DNAH1: variants seen among roughly 807,000 people sequenced by gnomAD.
The protein encoded by DNAH1 is dynein axonemal heavy chain 1.
Under a neutral mutation model 484.3 loss-of-function variants are expected in DNAH1, and 327 were observed. That is an observed-to-expected ratio of 0.68 (90% CI 0.62 to 0.74). The LOEUF (loss-of-function observed/expected upper bound fraction) is 0.74. DNAH1 is among the 30% of genes least tolerant of loss of function. The probability of loss-of-function intolerance (pLI) is 0.00; values close to 1 mark genes in which losing one functional copy is unlikely to be tolerated. For synonymous variants in DNAH1, 2,192 were observed against 2,191.9 expected (o/e 1.00, Z 0.00); for missense variants, 5,052 against 5,546.8 (o/e 0.91, Z 2.83).
In DNAH1 at chr3:52,361,866, C is replaced by A. The variant is rs536593603; in HGVS notation, c.4980+100C>A. The A allele has an allele frequency of 5.4e-6, 7 of 1,286,482 alleles. No homozygotes were observed. In the South Asian group the frequency reaches 6.9e-5, roughly 13 times the overall value. The allele number at this position is 1,286,482 out of a possible 1,614,324, so 79.7% of individuals were successfully genotyped here. On this transcript the variant is annotated intron_variant, in intron 30 of 77. Transcript: ENST00000420323. This position sits in a 1 kb window ranked among gnomAD's most constrained non-coding sequence, Gnocchi z 5.6. ...TGAGAAGCCAGGCGCTAAGGTCCAC[C>A]CTGGGTCCAGCCTCTCTTGTCCCGG...
At position 52,381,535 on chromosome 3, in the gene DNAH1, G is replaced by A; in HGVS notation, c.7609-105G>A. The A allele has an allele frequency of 8.9e-7, 1 of 1,117,728 alleles. No individual in the cohort carries two copies. Among genetic ancestry groups the A allele is most frequent in the Non-Finnish European group, 1.3e-6 (1 of 791,952 alleles). The allele number at this position is 1,117,728 out of a possible 1,614,324, so 69.2% of individuals were successfully genotyped here. On this transcript the variant is annotated intron_variant, in intron 48 of 77. Coordinates refer to ENST00000420323, the MANE Select transcript of DNAH1 (RefSeq NM_015512.5). The surrounding 1 kb of genome is among the most constrained non-coding windows in gnomAD (Gnocchi z 4.1). ...CGGGTCACAGGTGGTCAAGGCACCT[G>A]TGCTTCTCAGTCAGGACAGAGAAGA...
At chr3:52,337,344 C>T (rs1701773360) in intron 8 of DNAH1, among the ~76,000 whole-genome samples, 1 of 152,162 alleles carries the variant, frequency 6.6e-6, no homozygotes, top group Non-Finnish European at 1.5e-5. Flanking sequence ...TAATGCTTTT[C>T]GATCTGCATT....
At chr3:52,333,597 AAGC>A (rs1483998089) in intron 8 of DNAH1, among the ~76,000 whole-genome samples, 15 of 151,958 alleles carry the variant, frequency 9.9e-5, no homozygotes, top group Non-Finnish European at 4.4e-5. Context: ...CATTTTGGCC[AAGC>A]TGGTCTCGAG....
Position 52,378,792 on chromosome 3 carries a change from G to A in DNAH1, c.7377+12G>A, listed in dbSNP as rs776658082. ...CGGCCAAGGTCGAGGTGAGGACCAG[G>A]CAGGCACCCTCCCCAGTGCCCACAC... On this transcript the variant is annotated intron_variant, in intron 47 of 77. Coordinates refer to ENST00000420323, the MANE Select transcript of DNAH1 (RefSeq NM_015512.5). The A allele has an allele frequency of 3.2e-5, 52 of 1,613,136 alleles. No individual in the cohort carries two copies. In the Admixed American group the frequency reaches 8.2e-4, roughly 25 times the overall value.
At position 52,361,144 on chromosome 3, in the gene DNAH1, A is replaced by G; in HGVS notation, c.4686-20A>G. On this transcript the variant is annotated intron_variant, in intron 28 of 77. Coordinates refer to ENST00000420323, the MANE Select transcript of DNAH1 (RefSeq NM_015512.5). This position sits in a 1 kb window ranked among gnomAD's most constrained non-coding sequence, Gnocchi z 5.6. ...TCCAGGCCATGTGCGGCCCGAGCCC[A>G]CCTCCTCTGTCTCCTGCAGGTGCTA... 6.5e-7 allele frequency: 1 copy of G among 1,538,410 alleles called. No homozygotes were observed.
intron 59 of DNAH1, 78 bp downstream of exon 59, chr3:52,389,015 T>G: frequency 6.9e-7 from 1 of 1,458,902 alleles, no homozygotes; most frequent in Non-Finnish European, 9.1e-7. Flanking sequence ...CTCGCCTCCA[T>G]GATAGGCAGC....
At chr3:52,337,975 T>G (rs11705963) in intron 8 of DNAH1, among the ~76,000 whole-genome samples, 41,828 of 151,892 alleles carry the variant, frequency 0.28, 8,425 homozygotes, top group African/African-American at 0.57. Flanking sequence ...TTGTATTTTT[T>G]TAGAGACAGG....
chr3:52,342,879 A>G (rs1702000838), intron 8 of DNAH1, among the ~76,000 whole-genome samples: 1 of 152,212 alleles, frequency 6.6e-6, no homozygotes, highest in African/African-American at 2.4e-5. Context: ...AGAGAACTGC[A>G]GATAGGTGTG....
chr3:52,331,015 G>C (rs183575707), intron 6 of DNAH1, 133 bp from the exon 7 acceptor site: 10 of 1,144,822 alleles, frequency 8.7e-6, no homozygotes, highest in East Asian at 2.6e-5. Flanking sequence ...TGGAGCAGAG[G>C]GGGGCATCCC....
In DNAH1 at chr3:52,396,928, C is replaced by T. The variant is rs774152723; in HGVS notation, c.11671C>T (p.Arg3891Trp). Residue 3891 changes from arginine to tryptophan, a missense_variant, in exon 73 of 78, where the codon CGG (arginine) becomes TGG (tryptophan). Around this residue, in one of 4 missense-constraint regions of DNAH1, gnomAD observed 853 missense variants for 899.0 expected, o/e 0.95. Transcript: ENST00000420323. Reference sequence around the variant, plus strand: ...GGGCCGTGTCACTGATGACTGGGACCGGCGCTGCATCATGAACATCTTGGA... The same window carrying T: ...GGGCCGTGTCACTGATGACTGGGACTGGCGCTGCATCATGAACATCTTGGA... ...YGGRVTDDWD[R>W]RCIMNILEDF... is the part of the protein sequence containing the mutation. The T allele has an allele frequency of 9.3e-6, 15 of 1,613,378 alleles. No individual in the cohort carries two copies. Among genetic ancestry groups the T allele is most frequent in the East Asian group, 6.7e-5 (3 of 44,858 alleles).
In DNAH1 at chr3:52,354,882, T is replaced by G; in HGVS notation, c.3520T>G (p.Phe1174Val). 6.2e-7 allele frequency: 1 copy of G among 1,613,894 alleles called. No individual in the cohort carries two copies. Residue 1174 changes from phenylalanine (F) to valine (V), a missense_variant, in exon 21 of 78, where the codon TTC (phenylalanine) becomes GTC (valine). Physicochemically the swap from Phe to Val is conservative, Grantham distance 50. This residue lies in a region of DNAH1 where 2,929 missense variants were observed against 3,409.4 expected (regional missense o/e 0.86). Transcript: ENST00000420323. ...GGAGAAGGAGTGGTCGACCATCCTG[T>G]TCAATGTACTGCCCTACAAGGCGAC... ...KMEKEWSTIL[F>V]NVLPYKATDT...
intron 8 of DNAH1, among the ~76,000 whole-genome samples, chr3:52,342,838 G>A (rs1292476709): frequency 6.6e-6 from 1 of 152,248 alleles, no homozygotes; most frequent in African/African-American, 2.4e-5. Flanking sequence ...TCCAGTGTCA[G>A]TGTTGAGTGG....
intron 6 of DNAH1, 94 bp downstream of exon 6, chr3:52,328,108 G>A (rs562326667): frequency 4.2e-5 from 63 of 1,508,556 alleles, no homozygotes; most frequent in African/African-American, 2.3e-4. Context: ...GGCAGCCACC[G>A]GAGGCGAGGG....
rs1419113342 is a variant in DNAH1 at position 52,398,094 on chromosome 3, G to C, written c.12021G>C (p.Trp4007Cys). 6.2e-7 allele frequency: 1 copy of C among 1,613,894 alleles called. No individual in the cohort carries two copies. Among genetic ancestry groups the C allele is most frequent in the Non-Finnish European group, 8.5e-7 (1 of 1,179,894 alleles). ...LKVPEPINLQ[W>C]VMAKYPVLYE... ...TGCCTGAGCCTATCAACTTGCAATG[G>C]GTGATGGCCAAGTACCCAGTGCTGT... Residue 4007 changes from tryptophan to cysteine, a missense_variant, in exon 75 of 78, where the codon TGG becomes TGC. This residue lies in a region of DNAH1 where 853 missense variants were observed against 899.0 expected (regional missense o/e 0.95). Coordinates refer to ENST00000420323, the MANE Select transcript of DNAH1 (RefSeq NM_015512.5).
At position 52,398,046 on chromosome 3, in the gene DNAH1, C is replaced by T. The variant is rs1452204948; in HGVS notation, c.11973C>T (p.Val3991=). The T allele has an allele frequency of 6.2e-7, 1 of 1,613,710 alleles. No individual in the cohort carries two copies. Among genetic ancestry groups the T allele is most frequent in the Non-Finnish European group, 8.5e-7 (1 of 1,179,764 alleles). The part of the protein sequence containing the change: ...SQGREEIVED[V]TQNILLKVPE... ...TGCCCCTGCAGATAGTGGAGGACGT[C>T]ACCCAAAACATTCTGCTCAAGGTGC... Residue 3991 remains valine, a synonymous_variant, in exon 75 of 78, where the codon GTC becomes GTT. Coordinates refer to ENST00000420323, the MANE Select transcript of DNAH1 (RefSeq NM_015512.5).
chr3:52,372,200 G>A (rs542633667), intron 42 of DNAH1, 27 bp from the exon 43 acceptor site: 2 of 1,612,886 alleles, frequency 1.2e-6, no homozygotes, highest in Admixed American at 3.3e-5. Context: ...CCCACCGCAT[G>A]CTCCTGTGCC....
In DNAH1 at chr3:52,358,985, G is replaced by A. The variant is rs1702737518; in HGVS notation, c.4266+248G>A. 6.6e-6 allele frequency among the ~76,000 whole-genome samples: 1 copy of A among 152,088 alleles called. No homozygotes were observed. The highest frequency in any genetic ancestry group is 1.5e-5 in the Non-Finnish European group (1 of 68,018). ...CAGGCTCCAGGCTGGGCCCTCTCCTGCAGTCTTTCTCTCAGCTCCATGACC... is the reference window on the plus strand; with the variant it reads ...CAGGCTCCAGGCTGGGCCCTCTCCTACAGTCTTTCTCTCAGCTCCATGACC... On this transcript the variant is annotated intron_variant, in intron 25 of 77. Transcript: ENST00000420323. The surrounding 1 kb of genome is among the most constrained non-coding windows in gnomAD (Gnocchi z 4.2).
chr3:52,351,522 C>T (rs114786315), intron 16 of DNAH1, among the ~76,000 whole-genome samples: 94 of 152,366 alleles, frequency 6.2e-4, no homozygotes, highest in African/African-American at 1.5e-3. Flanking sequence ...CCCACAGACC[C>T]CCTATGTCAG....
In DNAH1 at chr3:52,392,893, C is replaced by T. The variant is rs1704457886; in HGVS notation, c.10342C>T (p.Pro3448Ser). 1.9e-6 allele frequency: 3 copies of T among 1,612,034 alleles called. No homozygotes were observed. The highest frequency in any genetic ancestry group is 2.5e-6 in the Non-Finnish European group (3 of 1,179,588). The change falls in exon 65 of 78, where the codon CCC becomes TCC. Residue 3448 changes from proline (P) to serine (S), a missense_variant. Pro to Ser is a moderately conservative substitution (Grantham distance 74, BLOSUM62 -1). Coordinates refer to ENST00000420323, the MANE Select transcript of DNAH1 (RefSeq NM_015512.5). Reference protein sequence around the residue: ...DIDLTRMEYIPVAIRTQILFF... With the variant: ...DIDLTRMEYISVAIRTQILFF... ...CGACCTGACGCGCATGGAGTACATA[C>T]CCGTGGCCATCCGCACCCAGATCCT... is the stretch of plus-strand genomic sequence containing the variant.
Sources: gnomAD v4.1 joint callset for allele counts (sites outside exome capture counted in the v4.1 genomes callset) on GRCh38, gnomAD v4.1.1 for gene constraint, gnomAD v4.1.1 regional missense constraint, Gnocchi (gnomAD v3.1) non-coding constraint, MANE v1.5 for transcripts, NCBI Gene and HGNC (gene_info 2026-07-23, HGNC 2026-07-21) for gene names.